The following HSPA12A variants were observed in gnomAD, a reference collection of about 807,000 sequenced individuals.
HSPA12A encodes heat shock protein family A (Hsp70) member 12A, also known as heat shock 70 kDa protein 12A.
HSPA12A carries 28 observed loss-of-function variants against 69.2 expected under a neutral mutation model. That is an observed-to-expected ratio of 0.40 (90% CI 0.30 to 0.55). The LOEUF is 0.55. Among genes scored for constraint, HSPA12A ranks in the 20% least tolerant of loss-of-function variants. The pLI, the probability that HSPA12A is intolerant of heterozygous loss-of-function variation, is 0.38. For synonymous variants in HSPA12A, 345 were observed against 370.5 expected (o/e 0.93, Z 0.79); for missense variants, 686 against 900.7 (o/e 0.76, Z 3.05).
At position 116,679,689 on chromosome 10, in the gene HSPA12A, A is replaced by C; in HGVS notation, c.1100T>G (p.Phe367Cys). Residue 367 changes from phenylalanine to cysteine, a missense_variant, in exon 10 of 12, where the codon TTT becomes TGT. Physicochemically the swap from Phe to Cys is radical, Grantham distance 205. Coordinates refer to ENST00000369209, the MANE Select transcript of HSPA12A (RefSeq NM_025015.3). ...KLLYKIFGED[F>C]IEQFKIKRPA... ...GCGTTTGATTTTGAATTGTTCAATA[A>C]AATCCTCTCCAAATATTTTATACAG... 1 of 1,614,260 alleles carries C rather than the reference A, an allele frequency of 6.2e-7. No homozygotes were observed. Among genetic ancestry groups the C allele is most frequent in the Non-Finnish European group, 8.5e-7 (1 of 1,180,052 alleles).
chr10:116,730,311 T>C (rs1419138483), intron 1 of HSPA12A, among the ~76,000 whole-genome samples: 1 of 152,134 alleles, frequency 6.6e-6, no homozygotes, highest in Non-Finnish European at 1.5e-5. Context: ...CCCATACTTT[T>C]GAGATAAGGT....
chr10:116,697,901 G>A (rs1292249531), intron 5 of HSPA12A, among the ~76,000 whole-genome samples: 1 of 152,124 alleles, frequency 6.6e-6, no homozygotes, highest in Non-Finnish European at 1.5e-5. Flanking sequence ...GCCTGTTCTG[G>A]ACATTTCATA....
At chr10:116,745,359 C>T (rs1373433011), upstream of HSPA12A, among the ~76,000 whole-genome samples, 2 of 152,208 alleles carry the variant, frequency 1.3e-5, no homozygotes, top group Non-Finnish European at 2.9e-5. Flanking sequence ...AGGGCACGCC[C>T]AGACTCCTGG....
Position 116,783,172 on chromosome 10 carries a change from G to A in HSPA12A, c.91+51763C>T, listed in dbSNP as rs1442528895. 2.6e-5 allele frequency among the ~76,000 whole-genome samples: 4 copies of A among 152,218 alleles called. No homozygotes were observed. The East Asian group carries it at 5.8e-4, about 22-fold the overall frequency. ...TTTCTCCAGGAAGTGCCAATGGGAA[G>A]GGCTGGGGCTGAGACACCTCCAGTC... On this transcript the variant is annotated intron_variant, in intron 2 of 12. Transcript: ENST00000635765.
intron 6 of HSPA12A, 48 bp downstream of exon 6, chr10:116,692,303 C>A (rs1554880223): frequency 1.4e-6 from 2 of 1,470,778 alleles, no homozygotes; most frequent in Admixed American, 3.4e-5. Context: ...CCCTGGACAT[C>A]TTGAGTCCTT....
At chr10:116,805,447 A>G (rs905454809) in intron 2 of HSPA12A, among the ~76,000 whole-genome samples, 2 of 152,160 alleles carry the variant, frequency 1.3e-5, no homozygotes, top group African/African-American at 4.8e-5. Context: ...CATGTGGCAC[A>G]TTTTATTTTC....
chr10:116,812,007 G>A (rs112528997), intron 2 of HSPA12A, among the ~76,000 whole-genome samples: 1,529 of 152,260 alleles, frequency 0.01, 21 homozygotes, highest in African/African-American at 0.032. Context: ...TTTCCTCCCA[G>A]TCTGGCCACT....
intron 2 of HSPA12A, among the ~76,000 whole-genome samples, chr10:116,825,346 C>T (rs1254513821): frequency 6.6e-6 from 1 of 151,864 alleles, no homozygotes; most frequent in Non-Finnish European, 1.5e-5. Flanking sequence ...CCCATCTCTA[C>T]TAAAAATACA....
intron 2 of HSPA12A, among the ~76,000 whole-genome samples, chr10:116,816,622 G>A (rs1038426678): frequency 2.0e-5 from 3 of 152,342 alleles, no homozygotes; most frequent in South Asian, 4.1e-4. Context: ...TCCTGCTCAC[G>A]TAAAACAGCC....
Position 116,692,458 on chromosome 10 carries a change from C to T in HSPA12A, c.556G>A (p.Asp186Asn), listed in dbSNP as rs1256033864. 1.1e-5 allele frequency: 17 copies of T among 1,613,540 alleles called. No individual in the cohort carries two copies. The highest frequency in any genetic ancestry group is 1.4e-5 in the Non-Finnish European group (17 of 1,179,626). ...TTCTCGAACTCCGAACCCGCCTGGTCACTCAGCTCCTGAAGCCAAGGGAAA... is the reference window on the plus strand; with the variant it reads ...TTCTCGAACTCCGAACCCGCCTGGTTACTCAGCTCCTGAAGCCAAGGGAAA... Reference protein sequence around the residue: ...FKEQALKELSDQAGSEFENSD... With the variant: ...FKEQALKELSNQAGSEFENSD... Residue 186 changes from aspartate to asparagine, a missense_variant, in exon 6 of 12, where the codon GAC (aspartate) becomes AAC (asparagine). Asp to Asn is a conservative substitution (Grantham distance 23). Transcript: ENST00000369209.
At chr10:116,685,174 G>C (rs1334721514) in intron 6 of HSPA12A, among the ~76,000 whole-genome samples, 1 of 152,202 alleles carries the variant, frequency 6.6e-6, no homozygotes, top group Non-Finnish European at 1.5e-5. Flanking sequence ...TTCTGTATCA[G>C]ACCCCTGGGG....
At chr10:116,728,624 C>G (rs922580550) in intron 1 of HSPA12A, among the ~76,000 whole-genome samples, 2 of 152,140 alleles carry the variant, frequency 1.3e-5, no homozygotes, top group Non-Finnish European at 2.9e-5. Context: ...TCCAACTGAG[C>G]CAGAGGTGAC....
intron 10 of HSPA12A, 141 bp from the exon 11 acceptor site, chr10:116,676,643 G>A: frequency 1.6e-6 from 1 of 641,606 alleles, no homozygotes; most frequent in South Asian, 1.9e-5. Flanking sequence ...AAGCACCTTT[G>A]GAAACCCTAA....
Position 116,705,166 on chromosome 10 carries a change from C to A in HSPA12A, c.239G>T (p.Cys80Phe). 6.2e-7 allele frequency: 1 copy of A among 1,614,196 alleles called. No individual in the cohort carries two copies. Among genetic ancestry groups the A allele is most frequent in the Non-Finnish European group, 8.5e-7 (1 of 1,180,036 alleles). The change falls in exon 3 of 12, where the codon TGC becomes TTC. Residue 80 changes from cysteine to phenylalanine, a missense_variant. Transcript: ENST00000369209. The part of the protein sequence containing the change: ...YAYSFTKEPE[C>F]IHVMRRWEGG... Reference sequence around the variant, plus strand: ...CAGCACTCACCTCATCACATGGATGCATTCCGGCTCCTTGGTGAAGCTGTA... The same window carrying A: ...CAGCACTCACCTCATCACATGGATGAATTCCGGCTCCTTGGTGAAGCTGTA...
intron 5 of HSPA12A, chr10:116,698,358 A>ATTTCTTCTTTCT: frequency 3.1e-6 from 1 of 319,610 alleles, no homozygotes; most frequent in South Asian, 1.3e-4. Context: ...GATTTCTTTC[A>ATTTCTTCTTTCT]TTTCTCCACC....
In HSPA12A at chr10:116,707,243, A is replaced by G. The variant is rs781837282; in HGVS notation, c.83T>C (p.Leu28Pro). ...CAGAGGCGTTATTCCTGTGTCCCCA[A>G]GACTCCGGGCTGGAGATGAATATGC... ...TSAYSSPARS[L>P]GDTGITPLSP... Residue 28 changes from leucine (L) to proline (P), a missense_variant, in exon 2 of 12, where the codon CTT (leucine) becomes CCT (proline). Physicochemically the swap from Leu to Pro is moderately conservative, Grantham distance 98 (BLOSUM62 -3). Coordinates refer to ENST00000369209, the MANE Select transcript of HSPA12A (RefSeq NM_025015.3). 1.2e-6 allele frequency: 2 copies of G among 1,613,064 alleles called. No homozygotes were observed. Among genetic ancestry groups the G allele is most frequent in the Non-Finnish European group, 1.7e-6 (2 of 1,179,754 alleles).
chr10:116,734,910 T>A (rs1207136242), intron 1 of HSPA12A, among the ~76,000 whole-genome samples: 1 of 152,088 alleles, frequency 6.6e-6, no homozygotes, highest in East Asian at 1.9e-4. Context: ...GAGACTGGCA[T>A]GAACCCGGGA....
chr10:116,764,829 A>C (rs560156183), intron 2 of HSPA12A, among the ~76,000 whole-genome samples: 15 of 152,314 alleles, frequency 9.8e-5, no homozygotes, highest in African/African-American at 3.1e-4. Flanking sequence ...TAGCCACACA[A>C]AAAAATCATT....
chr10:116,759,139 A>G (rs1219162677), intron 2 of HSPA12A, among the ~76,000 whole-genome samples: 1 of 152,238 alleles, frequency 6.6e-6, no homozygotes, highest in East Asian at 1.9e-4. Flanking sequence ...CCTCTGGAGT[A>G]ATGCAGAATA....
Sources: gnomAD v4.1 joint callset for allele counts (sites outside exome capture counted in the v4.1 genomes callset) on GRCh38, gnomAD v4.1.1 for gene constraint, MANE v1.5 for transcripts, NCBI Gene and HGNC (gene_info 2026-07-23, HGNC 2026-07-21) for gene names.